GLIS3: variants seen among roughly 807,000 people sequenced by gnomAD.
GLIS3 encodes GLIS family zinc finger 3.
Under a neutral mutation model 78.6 loss-of-function variants are expected in GLIS3, and 53 were observed. The observed-to-expected ratio is 0.67, with a 90% confidence interval of 0.54 to 0.85. GLIS3 has a LOEUF of 0.85. Among genes scored for constraint, GLIS3 ranks in the 40% least tolerant of loss-of-function variants. GLIS3 has a pLI of 0.00. For missense variants in GLIS3, 1,703 were observed against 1,231.1 expected (o/e 1.38, Z -5.74); for synonymous variants, 684 against 509.9 (o/e 1.34, Z -4.60).
chr9:4,289,649 G>A (rs1828284071), intron 1 of GLIS3, among the ~76,000 whole-genome samples: 2 of 151,896 alleles, frequency 1.3e-5, no homozygotes, highest in Admixed American at 1.3e-4. Flanking sequence ...CTCTACCCCA[G>A]GCTACCAGTA....
intron 2 of GLIS3, among the ~76,000 whole-genome samples, chr9:4,202,968 C>G (rs1412806738): frequency 6.6e-6 from 1 of 152,148 alleles, no homozygotes; most frequent in Non-Finnish European, 1.5e-5. Flanking sequence ...CAAAAGTTGA[C>G]AAGTGGGACC....
At chr9:4,440,373 G>C in the GLIS3 span, among the ~76,000 whole-genome samples, 9 of 152,184 alleles carry the variant, frequency 5.9e-5, no homozygotes, top group South Asian at 2.1e-4. Flanking sequence ...TTTTATATAA[G>C]GGTCTAGTTC....
intron 9 of GLIS3, among the ~76,000 whole-genome samples, chr9:3,852,033 T>C (rs1819467139): frequency 6.6e-6 from 1 of 152,038 alleles, no homozygotes; most frequent in African/African-American, 2.4e-5. Context: ...TAATCCCAGC[T>C]ACTCAGGAGG....
At chr9:4,471,563 C>A in the GLIS3 span, among the ~76,000 whole-genome samples, 1 of 152,130 alleles carries the variant, frequency 6.6e-6, no homozygotes, top group African/African-American at 2.4e-5. Flanking sequence ...ATATAGAAAG[C>A]TGAAATTGGA....
chr9:4,161,846 TTTG>T (rs1245282069), intron 2 of GLIS3, among the ~76,000 whole-genome samples: 3 of 11,430 alleles, frequency 2.6e-4, no homozygotes, highest in Admixed American at 1.9e-3. Context: ...CCAGCTAATT[TTTG>T]TTTTTTTTTT....
intron 2 of GLIS3, among the ~76,000 whole-genome samples, chr9:4,132,156 C>T (rs546685630): frequency 1.3e-5 from 2 of 151,994 alleles, no homozygotes; most frequent in South Asian, 2.1e-4. Flanking sequence ...GACTTGTGCA[C>T]TGGTTTTCAT....
chr9:4,161,079 T>TG (rs1835434254), intron 2 of GLIS3, among the ~76,000 whole-genome samples: 1 of 135,824 alleles, frequency 7.4e-6, no homozygotes, highest in Admixed American at 7.4e-5. Flanking sequence ...CCCCATCTCT[T>TG]AAAAAAAAAA....
In GLIS3 at chr9:3,826,042, G is replaced by C. The variant is rs1588034578; in HGVS notation, c.*2230C>G. 6.6e-6 allele frequency: 1 copy of C among 152,192 alleles called. No individual in the cohort carries two copies. The highest frequency in any genetic ancestry group is 2.1e-4 in the South Asian group (1 of 4,830). The allele number at this position is 152,192 out of a possible 1,614,324, so 9.4% of individuals were successfully genotyped here. On this transcript the variant is annotated 3_prime_UTR_variant, in exon 11 of 11. Transcript: ENST00000381971. The stretch of plus-strand genomic sequence containing the variant: ...GTTCACAAGCAGCTCCTCTCAAAGA[G>C]GGAGGTGATGTCCATGGTTTCTAAA...
At chr9:4,211,515 G>A (rs1820372837) in intron 2 of GLIS3, among the ~76,000 whole-genome samples, 2 of 152,186 alleles carry the variant, frequency 1.3e-5, no homozygotes, top group East Asian at 1.9e-4. Context: ...GGGATGAAAG[G>A]GCATATAGCC....
At chr9:3,889,585 A>G (rs947404273) in intron 7 of GLIS3, among the ~76,000 whole-genome samples, 4 of 152,180 alleles carry the variant, frequency 2.6e-5, no homozygotes, top group Non-Finnish European at 5.9e-5. Context: ...TCTTTAATTC[A>G]TTTCAATTAA....
intron 3 of GLIS3, among the ~76,000 whole-genome samples, chr9:4,124,685 T>C (rs964551505): frequency 6.6e-6 from 1 of 151,914 alleles, no homozygotes; most frequent in Non-Finnish European, 1.5e-5. Flanking sequence ...TCTCAAATAG[T>C]GACTAGGAGG....
intron 4 of GLIS3, among the ~76,000 whole-genome samples, chr9:4,116,745 T>C (rs1244669067): frequency 6.6e-6 from 1 of 152,256 alleles, no homozygotes; most frequent in East Asian, 1.9e-4. Context: ...TTGATTTATA[T>C]ATTTCACATA....
chr9:4,213,385 C>G (rs1054297896), intron 2 of GLIS3, among the ~76,000 whole-genome samples: 2 of 152,092 alleles, frequency 1.3e-5, no homozygotes, highest in Non-Finnish European at 2.9e-5. Flanking sequence ...ATACTGTATC[C>G]CTTTGCAATG....
chr9:4,307,225 T>A (rs1817248995), intron 4 of GLIS3, among the ~76,000 whole-genome samples: 1 of 152,208 alleles, frequency 6.6e-6, no homozygotes, highest in Admixed American at 6.5e-5. Context: ...GGGCACACAC[T>A]CTTAGCTGTA....
At chr9:4,328,387 T>C (rs181760663) in intron 2 of GLIS3, among the ~76,000 whole-genome samples, 1 of 152,306 alleles carries the variant, frequency 6.6e-6, no homozygotes, top group East Asian at 1.9e-4. Flanking sequence ...GAGGTGTTCA[T>C]GGCTCAGAGA....
the GLIS3 span, among the ~76,000 whole-genome samples, chr9:4,420,971 A>C: frequency 0.14 from 21,185 of 152,206 alleles, 1,759 homozygotes; most frequent in South Asian, 0.23. Context: ...CTTAGAAAGC[A>C]TTCCAAAATT....
the GLIS3 span, among the ~76,000 whole-genome samples, chr9:4,367,818 G>C: frequency 6.6e-6 from 1 of 152,044 alleles, no homozygotes; most frequent in Non-Finnish European, 1.5e-5. Context: ...CCAAATATGG[G>C]CCAGGTTTTA....
chr9:3,916,904 G>T (rs1824548628), intron 6 of GLIS3, among the ~76,000 whole-genome samples: 1 of 152,122 alleles, frequency 6.6e-6, no homozygotes, highest in Admixed American at 6.5e-5. Context: ...GTATATTCAA[G>T]AGGGAAACTT....
chr9:4,119,214 A>G (rs1232199859), intron 3 of GLIS3, among the ~76,000 whole-genome samples: 5 of 152,236 alleles, frequency 3.3e-5, no homozygotes, highest in African/African-American at 1.2e-4. Flanking sequence ...AAAAGGATAG[A>G]GACCTGGGAA....
Sources: allele counts gnomAD v4.1 joint callset (sites outside exome capture counted in the v4.1 genomes callset), GRCh38; gene constraint gnomAD v4.1.1; transcripts MANE v1.5; gene names NCBI Gene and HGNC (gene_info 2026-07-23, HGNC 2026-07-21).